PEX11G: variants seen among roughly 807,000 people sequenced by gnomAD.
PEX11G encodes peroxisomal biogenesis factor 11 gamma.
In PEX11G, 20 loss-of-function variants were observed where a neutral mutation model predicts 22.5. The observed-to-expected ratio is 0.89, with a 90% CI of 0.62 to 1.29. The LOEUF (loss-of-function observed/expected upper bound fraction) is 1.29. Among genes scored for constraint, PEX11G ranks in the 50% most tolerant of loss-of-function variants. The pLI is 0.00. For missense variants in PEX11G, 347 were observed against 331.3 expected (o/e 1.05, Z -0.37); for synonymous variants, 141 against 154.5 (o/e 0.91, Z 0.65).
upstream of PEX11G, among the ~76,000 whole-genome samples, chr19:7,492,569 A>G (rs1017955628): frequency 2.0e-5 from 3 of 151,464 alleles, no homozygotes; most frequent in African/African-American, 7.3e-5. Context: ...AGCCTCCCAA[A>G]TAGCTGGGAT....
At position 7,478,328 on chromosome 19, in the gene PEX11G, C is replaced by T. The variant is rs373658117; in HGVS notation, c.477G>A (p.Thr159=). 37 of 1,610,856 alleles carry T rather than the reference C, an allele frequency of 2.3e-5. No individual in the cohort carries two copies. The African/African-American group carries it at 2.5e-4, about 11-fold the overall frequency. The change falls in exon 4 of 5, where the codon ACG becomes ACA. Residue 159 remains threonine (T), a synonymous_variant. Transcript: ENST00000221480. The part of the protein sequence containing the change: ...LKLRQRLRSP[T]APFTSPLPRG... ...CGGGCTCCTACCTGGTGAAGGGCGC[C>T]GTGGGGCTCCGCAGCCTCTGTCTCA...
At chr19:7,481,444 C>T (rs974141961) in intron 3 of PEX11G, among the ~76,000 whole-genome samples, 4 of 152,166 alleles carry the variant, frequency 2.6e-5, no homozygotes, top group Non-Finnish European at 5.9e-5. Context: ...TCAAGTGATC[C>T]ACCCGCCTTG....
upstream of PEX11G, chr19:7,489,348 C>G (rs867399205): frequency 5.4e-6 from 6 of 1,111,642 alleles, no homozygotes; most frequent in Middle Eastern, 1.2e-3. Context: ...AACCACCAAC[C>G]TGTTCGCAGT....
intron 3 of PEX11G, among the ~76,000 whole-genome samples, chr19:7,480,246 T>C: frequency 8.1e-6 from 1 of 123,246 alleles, no homozygotes; most frequent in African/African-American, 3.4e-5. Flanking sequence ...TCAGCCTGTC[T>C]CAAAAAAAAA....
chr19:7,484,801 G>A (rs2021560374), intron 2 of PEX11G, among the ~76,000 whole-genome samples: 1 of 151,796 alleles, frequency 6.6e-6, no homozygotes, highest in South Asian at 2.1e-4. Context: ...TGACCACAGT[G>A]GCTGCCTCTG....
At chr19:7,490,181 G>C (rs894117433), upstream of PEX11G, among the ~76,000 whole-genome samples, 15 of 151,470 alleles carry the variant, frequency 9.9e-5, 1 homozygote, top group African/African-American at 3.6e-4. Flanking sequence ...CCTTCGTCTT[G>C]TCACTTCTCC....
chr19:7,487,769 GTTGTT>G (rs1431852535), intron 1 of PEX11G, among the ~76,000 whole-genome samples: 2 of 152,072 alleles, frequency 1.3e-5, no homozygotes, highest in Non-Finnish European at 2.9e-5. Context: ...GCTTGTTCCT[GTTGTT>G]TTATTTATTT....
upstream of PEX11G, among the ~76,000 whole-genome samples, chr19:7,491,442 G>A (rs2021889058): frequency 6.6e-6 from 1 of 150,746 alleles, no homozygotes; most frequent in Non-Finnish European, 1.5e-5. Flanking sequence ...GCTAATTTTT[G>A]TATTTGTAGT....
chr19:7,492,048 G>A (rs1415694032), upstream of PEX11G, among the ~76,000 whole-genome samples: 4 of 152,142 alleles, frequency 2.6e-5, no homozygotes, highest in Non-Finnish European at 4.4e-5. Flanking sequence ...CATATGGATG[G>A]ACCACATTTT....
At position 7,481,622 on chromosome 19, in the gene PEX11G, T is replaced by G. The variant is rs538865450; in HGVS notation, c.428+411A>C. Reference sequence around the variant, plus strand: ...AGGGTCAGGGAAGGAGGTGTGACGCTGAAAGCAGAGGTCATGCTTGGAAGA... The same window carrying G: ...AGGGTCAGGGAAGGAGGTGTGACGCGGAAAGCAGAGGTCATGCTTGGAAGA... On this transcript the variant is annotated intron_variant, in intron 3 of 4. Coordinates refer to ENST00000221480, the MANE Select transcript of PEX11G (RefSeq NM_080662.4). Among the ~76,000 whole-genome samples the G allele has an allele frequency of 4.6e-5, 7 of 152,216 alleles. No individual in the cohort carries two copies. The East Asian group carries it at 1.4e-3, about 29-fold the overall frequency.
intron 4 of PEX11G, among the ~76,000 whole-genome samples, chr19:7,477,988 C>G (rs1160191761): frequency 6.6e-6 from 1 of 152,222 alleles, no homozygotes; most frequent in African/African-American, 2.4e-5. Flanking sequence ...CACCACTGTG[C>G]TCCAGCCTGG....
chr19:7,486,081 G>C (rs2021641275), intron 1 of PEX11G, 55 bp from the exon 2 acceptor site: 1 of 1,484,778 alleles, frequency 6.7e-7, no homozygotes. Context: ...GAACTGAGCT[G>C]CATCCCCCCA....
upstream of PEX11G, chr19:7,489,071 G>A (rs1029068877): frequency 5.6e-6 from 8 of 1,437,604 alleles, no homozygotes; most frequent in Admixed American, 2.9e-5. Flanking sequence ...GGCCAGGCCG[G>A]GGTACCGGGA....
At position 7,488,938 on chromosome 19, in the gene PEX11G, G is replaced by C; in HGVS notation, c.60+13C>G. On this transcript the variant is annotated intron_variant, in intron 1 of 4. Transcript: ENST00000221480. ...ACTCTAGGACCTCCGGCCCCGGTCCGCCCCTGCCTCACCAGGCGGTCCCGG... is the reference window on the plus strand; with the variant it reads ...ACTCTAGGACCTCCGGCCCCGGTCCCCCCCTGCCTCACCAGGCGGTCCCGG... 1.3e-6 allele frequency: 2 copies of C among 1,549,728 alleles called. No individual in the cohort carries two copies. The highest frequency in any genetic ancestry group is 1.7e-6 in the Non-Finnish European group (2 of 1,148,142).
At chr19:7,480,532 T>C (rs1314980636) in intron 3 of PEX11G, among the ~76,000 whole-genome samples, 1 of 150,824 alleles carries the variant, frequency 6.6e-6, no homozygotes, top group Non-Finnish European at 1.5e-5. Context: ...ACAGGCAGGG[T>C]ATTAGGTCAA....
At chr19:7,480,421 C>A (rs1977437866) in intron 3 of PEX11G, among the ~76,000 whole-genome samples, 1 of 152,146 alleles carries the variant, frequency 6.6e-6, no homozygotes, top group Non-Finnish European at 1.5e-5. Context: ...AGGCACCCTC[C>A]CCCAGGTCTC....
At chr19:7,483,101 C>T (rs1372102625) in intron 2 of PEX11G, among the ~76,000 whole-genome samples, 4 of 150,228 alleles carry the variant, frequency 2.7e-5, no homozygotes, top group African/African-American at 9.9e-5. Context: ...ACCCCGCCCA[C>T]CGTGACCCCG....
At chr19:7,484,721 C>T (rs1313513003) in intron 2 of PEX11G, among the ~76,000 whole-genome samples, 3 of 150,698 alleles carry the variant, frequency 2.0e-5, no homozygotes, top group Non-Finnish European at 3.0e-5. Context: ...TGCAGTGAGC[C>T]GAGATCACGC....
Position 7,482,181 on chromosome 19 carries a change from C to G in PEX11G, c.280G>C (p.Val94Leu), listed in dbSNP as rs772329624. 1 of 1,582,418 alleles carries G rather than the reference C, an allele frequency of 6.3e-7. No individual in the cohort carries two copies. The highest frequency in any genetic ancestry group is 1.8e-5 in the Admixed American group (1 of 55,320). The stretch of plus-strand genomic sequence containing the variant: ...AGCTGGTCAGCCAGGTTCCCTAGGA[C>G]GGAGACACAGCGGACAAAGGCGTCC... ...EEDAFVRCVS[V>L]LGNLADQLYY... Residue 94 changes from valine to leucine, a missense_variant, in exon 3 of 5, where the codon GTC (valine) becomes CTC (leucine). By Grantham distance (32) the Val-to-Leu change is conservative. Transcript: ENST00000221480.
Sources: gnomAD v4.1 joint callset for allele counts (sites outside exome capture counted in the v4.1 genomes callset) on GRCh38, gnomAD v4.1.1 for gene constraint, MANE v1.5 for transcripts, NCBI Gene and HGNC (gene_info 2026-07-23, HGNC 2026-07-21) for gene names.